Variants in TUBB8B observed in about 807,000 individuals in gnomAD.
TUBB8B encodes HSA18p11 beta-tubulin 4Q pseudogene.
In TUBB8B, 26 loss-of-function variants were observed where a neutral mutation model predicts 31.9. The ratio of observed to expected loss-of-function variants is 0.81; its 90% CI spans 0.60 to 1.13. The LOEUF (loss-of-function observed/expected upper bound fraction) is 1.13, where lower values mean the gene tolerates loss of function less well. TUBB8B is among the 50% of genes most tolerant of loss of function. The probability of loss-of-function intolerance (pLI) is 0.00; values close to 1 mark genes in which losing one functional copy is unlikely to be tolerated. For synonymous variants in TUBB8B, 173 were observed against 231.0 expected (o/e 0.75, Z 2.28); for missense variants, 467 against 586.7 (o/e 0.80, Z 2.11).
the TUBB8B span, among the ~76,000 whole-genome samples, chr18:56,021 A>G: frequency 1.3e-5 from 2 of 151,874 alleles, no homozygotes; most frequent in African/African-American, 4.8e-5. Flanking sequence ...TTTGCAAGAA[A>G]TAGTGTTGTA....
the TUBB8B span, chr18:73,424 G>C: frequency 6.1e-6 from 1 of 163,422 alleles, no homozygotes; most frequent in Middle Eastern, 3.3e-3. Context: ...CCTCCTGGGT[G>C]GGTCCTGAGG....
the TUBB8B span, among the ~76,000 whole-genome samples, chr18:63,411 A>G: frequency 6.6e-6 from 1 of 151,710 alleles, no homozygotes; most frequent in Admixed American, 6.6e-5. Flanking sequence ...TAGAGATTCT[A>G]GTTCTCTTCC....
the TUBB8B span, among the ~76,000 whole-genome samples, chr18:64,752 C>A: frequency 6.6e-6 from 1 of 152,104 alleles, no homozygotes; most frequent in Non-Finnish European, 1.5e-5. Context: ...TTACTGTTGG[C>A]AAAGGCTACA....
chr18:63,153 G>T, the TUBB8B span, among the ~76,000 whole-genome samples: 1 of 151,622 alleles, frequency 6.6e-6, no homozygotes, highest in Non-Finnish European at 1.5e-5. Context: ...AGCTTGTTTG[G>T]TGAGGTCATG....
chr18:53,030 TA>T (rs1180904906), upstream of TUBB8B, among the ~76,000 whole-genome samples: 3 of 151,852 alleles, frequency 2.0e-5, no homozygotes. Flanking sequence ...AGGACATTTA[TA>T]CATTTTTCAG....
At chr18:69,150 T>G in the TUBB8B span, among the ~76,000 whole-genome samples, 1 of 152,188 alleles carries the variant, frequency 6.6e-6, no homozygotes, top group Admixed American at 6.5e-5. Flanking sequence ...AAACAAAATC[T>G]CAGTGTTGAA....
the TUBB8B span, among the ~76,000 whole-genome samples, chr18:56,998 T>G: frequency 6.6e-6 from 1 of 151,836 alleles, no homozygotes; most frequent in Non-Finnish European, 1.5e-5. Flanking sequence ...CCAAAGGAAA[T>G]GATGCCAAAC....
the TUBB8B span, among the ~76,000 whole-genome samples, chr18:63,181 G>C: frequency 6.6e-6 from 1 of 151,712 alleles, no homozygotes; most frequent in African/African-American, 2.4e-5. Context: ...GGATGGCCTT[G>C]ATACTTGTAG....
At position 49,031 on chromosome 18, in the gene TUBB8B, G is replaced by T. The variant is rs768731506; in HGVS notation, c.186C>A (p.Arg62=). 15 of 1,607,802 alleles carry T rather than the reference G, an allele frequency of 9.3e-6. No individual in the cohort carries two copies. The African/African-American group carries it at 1.1e-4, about 11-fold the overall frequency. The part of the protein sequence containing the change: ...HEASGGRYVP[R]AVLVDLEPGT... The stretch of plus-strand genomic sequence containing the variant: ...CCGGCTCCAGATCCACGAGCACAGC[G>T]CGGGGCACGTACCTGCCACCTGCGT... Residue 62 remains arginine, a synonymous_variant, in exon 3 of 4, where the codon CGC becomes CGA. Coordinates refer to ENST00000308911, the MANE Select transcript of TUBB8B (RefSeq NM_001358689.2).
At chr18:70,285 T>C in the TUBB8B span, among the ~76,000 whole-genome samples, 1 of 152,124 alleles carries the variant, frequency 6.6e-6, no homozygotes, top group Non-Finnish European at 1.5e-5. Flanking sequence ...AAAATTTAAA[T>C]ATACTGATTA....
the TUBB8B span, among the ~76,000 whole-genome samples, chr18:67,276 G>A: frequency 7.6e-4 from 116 of 152,256 alleles, no homozygotes; most frequent in African/African-American, 2.3e-3. Flanking sequence ...GATTACAGGC[G>A]TGAGCCACCA....
chr18:48,478 G>A, intron 3 of TUBB8B, 31 bp from the exon 4 acceptor site: 1 of 1,140,026 alleles, frequency 8.8e-7, no homozygotes, highest in South Asian at 1.3e-5. Context: ...TCACTCGACG[G>A]CCAGGTATAC....
chr18:51,693 A>C (rs75474331), upstream of TUBB8B, among the ~76,000 whole-genome samples: 174 of 129,508 alleles, frequency 1.3e-3, no homozygotes, highest in Middle Eastern at 4.0e-3. Context: ...ACTGCCTTGG[A>C]CTCCCAAAGT....
the TUBB8B span, among the ~76,000 whole-genome samples, chr18:55,499 G>T: frequency 6.6e-6 from 1 of 151,798 alleles, no homozygotes; most frequent in South Asian, 2.1e-4. Flanking sequence ...GGGGAAGCAG[G>T]CACCTCTTCC....
chr18:65,170 A>G, the TUBB8B span, among the ~76,000 whole-genome samples: 14 of 152,004 alleles, frequency 9.2e-5, no homozygotes, highest in African/African-American at 3.4e-4. Context: ...GTGTGGTGGC[A>G]GGAGCCTGTA....
rs761569983 is a variant in TUBB8B at position 48,405 on chromosome 18, G to A, written c.320C>T (p.Thr107Ile). ...AGNNWAKGRY[T>I]EGAELTESVM... ...TGACTCCGTCAGCTCCGCGCCTTCT[G>A]TGTAGCGTCCCTTGGCCCAGTTGTT... Residue 107 changes from threonine to isoleucine, a missense_variant, in exon 4 of 4, where the codon ACA becomes ATA. Thr to Ile is a moderately conservative substitution (Grantham distance 89). Coordinates refer to ENST00000308911, the MANE Select transcript of TUBB8B (RefSeq NM_001358689.2). 8 of 1,612,752 alleles carry A rather than the reference G, an allele frequency of 5.0e-6. No homozygotes were observed. The highest frequency in any genetic ancestry group is 4.5e-5 in the East Asian group (2 of 44,876).
At chr18:59,354 T>C in the TUBB8B span, among the ~76,000 whole-genome samples, 2 of 151,718 alleles carry the variant, frequency 1.3e-5, no homozygotes, top group African/African-American at 4.8e-5. Context: ...TTCCAGATTT[T>C]AGAGGAAAGG....
the TUBB8B span, among the ~76,000 whole-genome samples, chr18:58,597 C>T: frequency 1.3e-5 from 2 of 151,728 alleles, no homozygotes; most frequent in Non-Finnish European, 2.9e-5. Context: ...TCAGCATTTT[C>T]GTCAAAGCCA....
At chr18:62,847 TCTGA>T in the TUBB8B span, among the ~76,000 whole-genome samples, 2 of 151,858 alleles carry the variant, frequency 1.3e-5, no homozygotes, top group Admixed American at 6.6e-5. Context: ...TTTTGTCTCC[TCTGA>T]CTTTTTCTTT....
Sources: gnomAD v4.1 joint callset for allele counts (sites outside exome capture counted in the v4.1 genomes callset) on GRCh38, gnomAD v4.1.1 for gene constraint, MANE v1.5 for transcripts, NCBI Gene and HGNC (gene_info 2026-07-23, HGNC 2026-07-21) for gene names.